Variants in CACNA1B observed in about 807,000 individuals in gnomAD.
CACNA1B encodes the protein voltage-dependent N-type calcium channel subunit alpha-1B.
CACNA1B carries 70 observed loss-of-function variants against 247.2 expected under a neutral mutation model. The observed-to-expected ratio is 0.28, with a 90% CI of 0.23 to 0.35. The LOEUF is 0.35. Ranked by LOEUF, CACNA1B falls within the 10% of genes least tolerant of loss-of-function variation. CACNA1B has a pLI of 1.00. For synonymous variants in CACNA1B, 1,231 were observed against 1,294.4 expected (o/e 0.95, Z 1.05); for missense variants, 2,367 against 3,197.4 (o/e 0.74, Z 6.26).
rs377498051 is a variant in CACNA1B at position 137,882,867 on chromosome 9, G to T, written c.514G>T (p.Val172Leu). ...GAACGGCTGGAACGTCATGGACTTCGTGGTCGTCCTCACAGGGTAGGCAAG... is the reference window on the plus strand; with the variant it reads ...GAACGGCTGGAACGTCATGGACTTCTTGGTCGTCCTCACAGGGTAGGCAAG... Reference protein sequence around the residue: ...LRNGWNVMDFVVVLTGILATA... With the variant: ...LRNGWNVMDFLVVLTGILATA... Residue 172 changes from valine (V) to leucine (L), a missense_variant, in exon 3 of 47, where the codon GTG becomes TTG. By Grantham distance (32) the Val-to-Leu change is conservative. Coordinates refer to ENST00000371372, the MANE Select transcript of CACNA1B (RefSeq NM_000718.4). This position sits in a 1 kb window ranked among gnomAD's most constrained non-coding sequence, Gnocchi z 4.0. 2 of 1,613,870 alleles carry T rather than the reference G, an allele frequency of 1.2e-6. No homozygotes were observed. The highest frequency in any genetic ancestry group is 1.7e-6 in the Non-Finnish European group (2 of 1,179,828).
Position 137,917,482 on chromosome 9 carries a change from G to A in CACNA1B, c.966+51G>A, listed in dbSNP as rs1957425037. 1.3e-6 allele frequency: 2 copies of A among 1,541,690 alleles called. No homozygotes were observed. The highest frequency in any genetic ancestry group is 1.8e-6 in the Non-Finnish European group (2 of 1,125,844). On this transcript the variant is annotated intron_variant, in intron 6 of 46. Coordinates refer to ENST00000371372, the MANE Select transcript of CACNA1B (RefSeq NM_000718.4). This position sits in a 1 kb window ranked among gnomAD's most constrained non-coding sequence, Gnocchi z 5.5. The stretch of plus-strand genomic sequence containing the variant: ...TGAGGGCAGGCCCTGGACCTCCTGA[G>A]CTGGTGCCTCTGGGGGTCCATTTAG...
chr9:137,971,636 T>TG lies in CACNA1B; in HGVS notation c.1543+45dup, dbSNP rs747399111. ...CCCTCAGGTGCTTCCTGAGCATCTCTGCTCTCAGTCTGGAAACCCTGGTCC... is the reference window on the plus strand; with the variant it reads ...CCCTCAGGTGCTTCCTGAGCATCTCTGGCTCTCAGTCTGGAAACCCTGGTCC... On this transcript the variant is annotated intron_variant, in intron 11 of 46. Coordinates refer to ENST00000371372, the MANE Select transcript of CACNA1B (RefSeq NM_000718.4). This position sits in a 1 kb window ranked among gnomAD's most constrained non-coding sequence, Gnocchi z 4.4. 1.3e-6 allele frequency: 2 copies of TG among 1,530,722 alleles called. No homozygotes were observed. 94.8% of individuals were successfully genotyped at this position (1,530,722 alleles called of 1,614,324 possible). A position where few individuals can be genotyped will look rare whatever the true frequency, so the allele number is the denominator to read the frequency against.
chr9:138,102,826 A>C lies in CACNA1B; in HGVS notation c.5319+19A>C. The stretch of plus-strand genomic sequence containing the variant: ...TTACAAGGTAGACCCTGACCCTGCA[A>C]CCCGCCCCCCAGGAGGCTGTGTGTG... On this transcript the variant is annotated intron_variant, in intron 38 of 46. Coordinates refer to ENST00000371372, the MANE Select transcript of CACNA1B (RefSeq NM_000718.4). This position sits in a 1 kb window ranked among gnomAD's most constrained non-coding sequence, Gnocchi z 5.4. 6.6e-7 allele frequency: 1 copy of C among 1,524,858 alleles called. No homozygotes were observed. Among genetic ancestry groups the C allele is most frequent in the Non-Finnish European group, 9.1e-7 (1 of 1,103,546 alleles). 94.5% of individuals were successfully genotyped at this position (1,524,858 alleles called of 1,614,324 possible). A position where few individuals can be genotyped will look rare whatever the true frequency, so the allele number is the denominator to read the frequency against.
intron 20 of CACNA1B, among the ~76,000 whole-genome samples, chr9:138,025,749 A>G (rs1193636881): frequency 6.6e-6 from 1 of 152,168 alleles, no homozygotes; most frequent in East Asian, 1.9e-4. Flanking sequence ...GCAGTCCCTG[A>G]GGGCACAGGG....
chr9:138,065,790 C>T, intron 31 of CACNA1B, among the ~76,000 whole-genome samples: 1 of 152,230 alleles, frequency 6.6e-6, no homozygotes. Flanking sequence ...TTACAGCGCC[C>T]ATTCCTGACA....
At chr9:137,934,073 T>C (rs956662490) in intron 6 of CACNA1B, among the ~76,000 whole-genome samples, 3 of 152,210 alleles carry the variant, frequency 2.0e-5, no homozygotes, top group African/African-American at 7.2e-5. Context: ...AAAAAATAGC[T>C]ACCAATATCC....
intron 10 of CACNA1B, among the ~76,000 whole-genome samples, chr9:137,964,185 A>G (rs2133355559): frequency 6.6e-6 from 1 of 152,274 alleles, no homozygotes; most frequent in East Asian, 1.9e-4. Context: ...TGATCTTCTC[A>G]TGGAGTATTT....
In CACNA1B at chr9:138,121,481, G is replaced by A. The variant is rs767305744; in HGVS notation, c.6502G>A (p.Val2168Met). 1.9e-5 allele frequency: 29 copies of A among 1,511,798 alleles called. No homozygotes were observed. Among genetic ancestry groups the A allele is most frequent in the African/African-American group, 1.3e-4 (9 of 70,138 alleles). 93.6% of individuals were successfully genotyped at this position (1,511,798 alleles called of 1,614,324 possible). Residue 2168 changes from valine to methionine, a missense_variant, in exon 47 of 47, where the codon GTG becomes ATG. Around this residue, in one of 12 missense-constraint regions of CACNA1B, gnomAD observed 773 missense variants for 779.4 expected, o/e 0.99. Coordinates refer to ENST00000371372, the MANE Select transcript of CACNA1B (RefSeq NM_000718.4). The surrounding 1 kb of genome is among the most constrained non-coding windows in gnomAD (Gnocchi z 6.8). ...CATTTTCATGTAGGGCAGTGGTTCC[G>A]TGAATGGGAGCCCCTTGCTGTCAAC... The part of the protein sequence containing the change: ...PGPHPQGSGS[V>M]NGSPLLSTSG...
Position 138,057,914 on chromosome 9 carries a change from G to C in CACNA1B, c.4106+45G>C, listed in dbSNP as rs776578855. The C allele has an allele frequency of 6.9e-6, 11 of 1,589,928 alleles. No individual in the cohort carries two copies. In the Admixed American group the frequency reaches 1.9e-4, roughly 27 times the overall value. On this transcript the variant is annotated intron_variant, in intron 27 of 46. Transcript: ENST00000371372. The surrounding 1 kb of genome is among the most constrained non-coding windows in gnomAD (Gnocchi z 4.0). ...TCCGTAGCTGGGGCAGGCAGCCCCT[G>C]AGCTCGGCCTCCCTTCCTCCCTCTA...
chr9:138,046,048 C>T (rs987938048), intron 21 of CACNA1B, among the ~76,000 whole-genome samples: 5 of 152,190 alleles, frequency 3.3e-5, no homozygotes, highest in East Asian at 1.9e-4. Flanking sequence ...GTCCCCCACC[C>T]GTAGATGGGC....
In CACNA1B at chr9:137,976,101, G is replaced by T. The variant is rs1958217431; in HGVS notation, c.1656+82G>T. On this transcript the variant is annotated intron_variant, in intron 12 of 46. Coordinates refer to ENST00000371372, the MANE Select transcript of CACNA1B (RefSeq NM_000718.4). ...AGCCCCCTCCCATAGGCCATGCCCA[G>T]TGTGGGCTGGGGTCTGTGACCCTAC... The T allele has an allele frequency of 3.5e-6, 3 of 856,894 alleles. No individual in the cohort carries two copies. In the South Asian group the frequency reaches 4.3e-5, roughly 12 times the overall value. 53.1% of individuals were successfully genotyped at this position (856,894 alleles called of 1,614,324 possible).
intron 3 of CACNA1B, chr9:137,892,410 T>C (rs1291024197): frequency 4.4e-6 from 2 of 451,498 alleles, no homozygotes; most frequent in African/African-American, 4.0e-5. Flanking sequence ...CGGGGTCCAC[T>C]GTGGCCATGT....
chr9:137,902,904 T>C (rs1957255688), intron 3 of CACNA1B, among the ~76,000 whole-genome samples: 1 of 152,250 alleles, frequency 6.6e-6, no homozygotes, highest in South Asian at 2.1e-4. Flanking sequence ...CCGAGTGTCC[T>C]CTGAGGAGAC....
rs534889794 is a variant in CACNA1B at position 138,025,033 on chromosome 9, G to T, written c.3147G>T (p.Gln1049His). ...ACACACTGCCCAGCACCTGTCTCCA[G>T]AAGGTGGAGGAACAGCCAGAGGATG... is the stretch of plus-strand genomic sequence containing the variant. ...PMHTLPSTCL[Q>H]KVEEQPEDAD... Residue 1049 changes from glutamine to histidine, a missense_variant, in exon 20 of 47, where the codon CAG becomes CAT. Physicochemically the swap from Gln to His is conservative, Grantham distance 24 (BLOSUM62 0). Coordinates refer to ENST00000371372, the MANE Select transcript of CACNA1B (RefSeq NM_000718.4). The T allele has an allele frequency of 2.2e-5, 36 of 1,607,750 alleles. No individual in the cohort carries two copies. In the Admixed American group the frequency reaches 4.9e-4, roughly 22 times the overall value.
At chr9:138,055,244 A>G (rs1959453057) in intron 26 of CACNA1B, among the ~76,000 whole-genome samples, 1 of 151,186 alleles carries the variant, frequency 6.6e-6, no homozygotes, top group African/African-American at 2.4e-5. Context: ...CTCCCTCCTC[A>G]ACCTCCTGAG....
At chr9:137,968,766 A>G (rs535695750) in intron 10 of CACNA1B, among the ~76,000 whole-genome samples, 3 of 152,364 alleles carry the variant, frequency 2.0e-5, no homozygotes, top group African/African-American at 7.2e-5. Context: ...CTTAGGGCAC[A>G]AGAGAAAGAA....
intron 36 of CACNA1B, among the ~76,000 whole-genome samples, chr9:138,095,554 T>G (rs143157703): frequency 3.3e-5 from 5 of 152,290 alleles, no homozygotes; most frequent in African/African-American, 9.6e-5. Context: ...GGAAGAAGTT[T>G]GGCAGTTCCT....
chr9:138,040,849 A>G (rs192360903), intron 20 of CACNA1B, among the ~76,000 whole-genome samples: 9 of 152,268 alleles, frequency 5.9e-5, no homozygotes, highest in African/African-American at 1.9e-4. Flanking sequence ...GTATCCTTCA[A>G]TCCAATCAAG....
chr9:137,995,464 G>T (rs1958487483), intron 15 of CACNA1B, among the ~76,000 whole-genome samples: 1 of 152,176 alleles, frequency 6.6e-6, no homozygotes, highest in South Asian at 2.1e-4. Flanking sequence ...ATGGTGCTGG[G>T]ATAATTGGCA....
Sources: gnomAD v4.1 joint callset for allele counts (sites outside exome capture counted in the v4.1 genomes callset) on GRCh38, gnomAD v4.1.1 for gene constraint, gnomAD v4.1.1 regional missense constraint, Gnocchi (gnomAD v3.1) non-coding constraint, MANE v1.5 for transcripts, NCBI Gene and HGNC (gene_info 2026-07-23, HGNC 2026-07-21) for gene names.